PPARGC1A: variants seen among roughly 807,000 people sequenced by gnomAD.
The protein encoded by PPARGC1A is PPARG coactivator 1 alpha, also known as peroxisome proliferator-activated receptor gamma coactivator 1-alpha.
A neutral mutation model predicts 88.7 loss-of-function variants in PPARGC1A; 25 were observed. That is an observed-to-expected ratio of 0.28 (90% CI 0.21 to 0.39). PPARGC1A has a LOEUF of 0.39. Among genes scored for constraint, PPARGC1A ranks in the 10% least tolerant of loss-of-function variants. The pLI is 1.00. For synonymous variants in PPARGC1A, 363 were observed against 355.6 expected, an observed-to-expected ratio of 1.02 and a Z score of -0.24; for missense variants, 880 against 968.7, an observed-to-expected ratio of 0.91 and a Z score of 1.22.
the PPARGC1A span, among the ~76,000 whole-genome samples, chr4:23,910,325 T>G: frequency 2.2e-5 from 1 of 45,230 alleles, no homozygotes; most frequent in Non-Finnish European, 3.4e-5. Context: ...ATTATATATA[T>G]TATATATTAT....
intron 2 of PPARGC1A, among the ~76,000 whole-genome samples, chr4:23,837,976 A>G (rs1020103068): frequency 5.9e-5 from 9 of 152,218 alleles, no homozygotes; most frequent in Admixed American, 3.3e-4. Context: ...AAGAAAGTAA[A>G]GTCAAAATTT....
chr4:24,331,936 C>T, the PPARGC1A span, among the ~76,000 whole-genome samples: 1 of 151,872 alleles, frequency 6.6e-6, no homozygotes, highest in African/African-American at 2.4e-5. Flanking sequence ...CCTCCCCTTG[C>T]CCCCAACCCC....
the PPARGC1A span, among the ~76,000 whole-genome samples, chr4:24,225,305 C>T: frequency 6.6e-6 from 1 of 152,206 alleles, no homozygotes; most frequent in South Asian, 2.1e-4. Flanking sequence ...CACGGTGGCT[C>T]ACGCCTCTAA....
At chr4:23,874,252 C>G (rs1714211106) in intron 2 of PPARGC1A, among the ~76,000 whole-genome samples, 1 of 152,148 alleles carries the variant, frequency 6.6e-6, no homozygotes, top group African/African-American at 2.4e-5. Flanking sequence ...CAAAGTAACT[C>G]CAGAAGTGGC....
chr4:23,841,827 T>A (rs1486346266), intron 2 of PPARGC1A, among the ~76,000 whole-genome samples: 3 of 152,066 alleles, frequency 2.0e-5, no homozygotes, highest in Non-Finnish European at 4.4e-5. Flanking sequence ...TAAATATTAC[T>A]TTAATAAATA....
chr4:24,315,065 G>A, the PPARGC1A span, among the ~76,000 whole-genome samples: 1 of 150,662 alleles, frequency 6.6e-6, no homozygotes, highest in South Asian at 2.1e-4. Context: ...AAAAATCAAG[G>A]ATCAGACCAA....
the PPARGC1A span, among the ~76,000 whole-genome samples, chr4:24,348,057 A>T: frequency 6.6e-6 from 1 of 152,160 alleles, no homozygotes; most frequent in Non-Finnish European, 1.5e-5. Flanking sequence ...TCTTTCTGTC[A>T]TATATGATGC....
upstream of PPARGC1A, among the ~76,000 whole-genome samples, chr4:23,905,341 G>T (rs550604845): frequency 2.0e-4 from 30 of 152,242 alleles, no homozygotes; most frequent in African/African-American, 7.2e-4. Context: ...ACTACTTATG[G>T]CATGCATACA....
the PPARGC1A span, among the ~76,000 whole-genome samples, chr4:24,117,546 T>C: frequency 6.6e-6 from 1 of 151,134 alleles, no homozygotes; most frequent in South Asian, 2.1e-4. Context: ...TTTGTCTCTC[T>C]TGCCCACATA....
At position 23,793,133 on chromosome 4, in the gene PPARGC1A, C is replaced by T. The variant is rs936952944; in HGVS notation, c.*2689G>A. 3 of 152,520 alleles carry T rather than the reference C, an allele frequency of 2.0e-5. No individual in the cohort carries two copies. 9.4% of individuals were successfully genotyped at this position (152,520 alleles called of 1,614,324 possible). A position where few individuals can be genotyped will look rare whatever the true frequency, so the allele number is the denominator to read the frequency against. ...GTCCTTGAACACATAATAGGATTTA[C>T]TAAATCTCGATTTCTTAAAAATAAT... On this transcript the variant is annotated 3_prime_UTR_variant, in exon 13 of 13. Coordinates refer to ENST00000264867, the MANE Select transcript of PPARGC1A (RefSeq NM_013261.5).
At chr4:23,986,715 C>T in the PPARGC1A span, among the ~76,000 whole-genome samples, 1 of 152,046 alleles carries the variant, frequency 6.6e-6, no homozygotes, top group Non-Finnish European at 1.5e-5. Flanking sequence ...CTAGGTCACA[C>T]AGTTCACTAT....
At chr4:24,177,621 AAAT>A in the PPARGC1A span, among the ~76,000 whole-genome samples, 4,332 of 40,672 alleles carry the variant, frequency 0.11, 263 homozygotes, top group African/African-American at 0.2. Context: ...AAGTATAATT[AAAT>A]AAATAAATAA....
the PPARGC1A span, among the ~76,000 whole-genome samples, chr4:24,220,761 A>C: frequency 6.6e-6 from 1 of 152,212 alleles, no homozygotes; most frequent in Non-Finnish European, 1.5e-5. Flanking sequence ...AAAACTACCT[A>C]TTGGATATTA....
At chr4:23,910,361 A>ATATAT in the PPARGC1A span, among the ~76,000 whole-genome samples, 116 of 102,630 alleles carry the variant, frequency 1.1e-3, no homozygotes, top group Middle Eastern at 4.2e-3. Context: ...TATATATTAT[A>ATATAT]TATATTATAT....
the PPARGC1A span, among the ~76,000 whole-genome samples, chr4:24,033,313 T>C: frequency 2.6e-5 from 4 of 152,180 alleles, no homozygotes; most frequent in African/African-American, 9.7e-5. Context: ...GCTTTAAACA[T>C]TGTCTGATGT....
chr4:23,904,032 G>T (rs796233145), upstream of PPARGC1A: 7 of 982,116 alleles, frequency 7.1e-6, no homozygotes, highest in African/African-American at 3.5e-5. Context: ...CCCAACATGT[G>T]TGTCATTCAT....
the PPARGC1A span, among the ~76,000 whole-genome samples, chr4:23,971,568 G>A: frequency 1.3e-5 from 2 of 152,188 alleles, no homozygotes; most frequent in Non-Finnish European, 2.9e-5. Context: ...TTGAGGGCAG[G>A]AAGCATCCAA....
At chr4:24,216,980 G>C in the PPARGC1A span, among the ~76,000 whole-genome samples, 2 of 152,164 alleles carry the variant, frequency 1.3e-5, no homozygotes, top group Admixed American at 6.5e-5. Context: ...CAAAGCACCT[G>C]ACACATAGTA....
chr4:24,007,267 ATTC>A, the PPARGC1A span, among the ~76,000 whole-genome samples: 4 of 151,954 alleles, frequency 2.6e-5, no homozygotes, highest in African/African-American at 9.7e-5. Flanking sequence ...TCATTCTTTT[ATTC>A]TTTCCTTAAT....
Sources: gnomAD v4.1 joint callset for allele counts (sites outside exome capture counted in the v4.1 genomes callset) on GRCh38, gnomAD v4.1.1 for gene constraint, MANE v1.5 for transcripts, NCBI Gene and HGNC (gene_info 2026-07-23, HGNC 2026-07-21) for gene names.